HOXC6: variants seen among roughly 807,000 people sequenced by gnomAD.
The protein encoded by HOXC6 is homeobox protein Hox-C6.
In HOXC6, 10 loss-of-function variants were observed where a neutral mutation model predicts 24.0. That is an observed-to-expected ratio of 0.42 (90% CI 0.26 to 0.71). The LOEUF (loss-of-function observed/expected upper bound fraction) is 0.71, where lower values mean the gene tolerates loss of function less well. Ranked by LOEUF, HOXC6 falls within the 30% of genes least tolerant of loss-of-function variation. HOXC6 has a pLI of 0.28. For synonymous variants in HOXC6, 123 were observed against 128.1 expected, an observed-to-expected ratio of 0.96 and a Z score of 0.27; for missense variants, 258 against 303.4, an observed-to-expected ratio of 0.85 and a Z score of 1.11.
upstream of HOXC6, among the ~76,000 whole-genome samples, chr12:54,024,167 G>A (rs367718817): frequency 9.2e-5 from 14 of 152,296 alleles, no homozygotes; most frequent in East Asian, 9.7e-4. Flanking sequence ...AGGGATTTTA[G>A]CCCTCGCCCA....
upstream of HOXC6, among the ~76,000 whole-genome samples, chr12:54,025,533 G>A (rs1030364390): frequency 6.2e-5 from 3 of 48,424 alleles, no homozygotes; most frequent in South Asian, 5.4e-4. Flanking sequence ...TAATTGGGGG[G>A]GGGGGAGGTG....
In HOXC6 at chr12:54,029,763, G is replaced by A. The variant is rs775544979; in HGVS notation, c.509G>A (p.Arg170Gln). 1.9e-6 allele frequency: 3 copies of A among 1,614,174 alleles called. No homozygotes were observed. Among genetic ancestry groups the A allele is most frequent in the South Asian group, 2.2e-5 (2 of 91,086 alleles). The part of the protein sequence containing the change: ...FHFNRYLTRR[R>Q]RIEIANALCL... The stretch of plus-strand genomic sequence containing the variant: ...TTCAATCGCTACCTAACGCGGCGCC[G>A]GCGCATCGAGATCGCCAACGCGCTT... The change falls in exon 2 of 2, where the codon CGG becomes CAG. Residue 170 changes from arginine (R) to glutamine (Q), a missense_variant. Transcript: ENST00000243108.
rs1321885526 is a variant in HOXC6 at position 54,028,580 on chromosome 12, T to A, written c.59T>A (p.Val20Asp). The A allele has an allele frequency of 1.2e-6, 2 of 1,613,854 alleles. No homozygotes were observed. Among genetic ancestry groups the A allele is most frequent in the Non-Finnish European group, 1.7e-6 (2 of 1,179,990 alleles). Reference protein sequence around the residue: ...LSCHLAGGQDVLPNVALNSTA... With the variant: ...LSCHLAGGQDDLPNVALNSTA... ...TGCCACCTCGCCGGGGGCCAGGACG[T>A]CCTCCCCAACGTCGCCCTCAATTCC... is the stretch of plus-strand genomic sequence containing the variant. The change falls in exon 1 of 2, where the codon GTC (valine) becomes GAC (aspartate). Residue 20 changes from valine (V) to aspartate (D), a missense_variant. Physicochemically the swap from Val to Asp is radical, Grantham distance 152. Coordinates refer to ENST00000243108, the MANE Select transcript of HOXC6 (RefSeq NM_004503.4).
At chr12:54,016,961 T>A (rs1592216959) in exon 1 of HOXC6, 1 of 152,114 alleles carries the variant, frequency 6.6e-6, no homozygotes. Context: ...TCATTAGCAG[T>A]ATTTTTTTTA....
intron 1 of HOXC6, chr12:54,022,383 C>T (rs1413476704): frequency 1.3e-5 from 2 of 152,156 alleles, no homozygotes; most frequent in African/African-American, 4.8e-5. Flanking sequence ...TATATGTCTC[C>T]AATCCTGCCA....
intron 1 of HOXC6, among the ~76,000 whole-genome samples, chr12:54,022,906 G>A (rs1413929324): frequency 6.6e-6 from 1 of 152,194 alleles, no homozygotes; most frequent in African/African-American, 2.4e-5. Context: ...GGGATCCTTT[G>A]ACCCAGTGCA....
chr12:54,026,907 G>A (rs943184679), upstream of HOXC6, among the ~76,000 whole-genome samples: 1 of 151,222 alleles, frequency 6.6e-6, no homozygotes, highest in Non-Finnish European at 1.5e-5. Flanking sequence ...AAAATCCGGC[G>A]ACATCCGGGT....
chr12:54,029,755 G>A lies in HOXC6; in HGVS notation c.501G>A (p.Thr167=), dbSNP rs375750909. Residue 167 remains threonine (T), a synonymous_variant, in exon 2 of 2, where the codon ACG becomes ACA. Coordinates refer to ENST00000243108, the MANE Select transcript of HOXC6 (RefSeq NM_004503.4). ...EKEFHFNRYL[T]RRRRIEIANA... is the part of the protein sequence containing the mutation. ...AATTTCACTTCAATCGCTACCTAAC[G>A]CGGCGCCGGCGCATCGAGATCGCCA... 200 of 1,614,044 alleles carry A rather than the reference G, an allele frequency of 1.2e-4. No individual in the cohort carries two copies. Among genetic ancestry groups the A allele is most frequent in the Non-Finnish European group, 1.6e-4 (189 of 1,180,026 alleles).
chr12:54,026,969 G>C (rs965136271), upstream of HOXC6, among the ~76,000 whole-genome samples: 8 of 137,874 alleles, frequency 5.8e-5, no homozygotes, highest in Admixed American at 4.4e-4. Flanking sequence ...AATGGTGGGG[G>C]GGGGGGGATA....
At chr12:54,023,585 C>A (rs534653344), upstream of HOXC6, among the ~76,000 whole-genome samples, 1 of 152,314 alleles carries the variant, frequency 6.6e-6, no homozygotes, top group Non-Finnish European at 1.5e-5. Flanking sequence ...TTCTCAGCAG[C>A]TTAACATGCC....
In HOXC6 at chr12:54,028,621, G is replaced by A. The variant is rs765400909; in HGVS notation, c.100G>A (p.Val34Met). 1.9e-6 allele frequency: 3 copies of A among 1,614,126 alleles called. No homozygotes were observed. The highest frequency in any genetic ancestry group is 2.5e-6 in the Non-Finnish European group (3 of 1,180,028). The change falls in exon 1 of 2, where the codon GTG (valine) becomes ATG (methionine). Residue 34 changes from valine to methionine, a missense_variant. By Grantham distance (21) the Val-to-Met change is conservative (BLOSUM62 1). Coordinates refer to ENST00000243108, the MANE Select transcript of HOXC6 (RefSeq NM_004503.4). ...CCTCAATTCCACCGCCTATGATCCAGTGAGGCATTTCTCGACCTATGGAGC... is the reference window on the plus strand; with the variant it reads ...CCTCAATTCCACCGCCTATGATCCAATGAGGCATTTCTCGACCTATGGAGC... ...VALNSTAYDPVRHFSTYGAAV... is the reference protein window; with the variant it reads ...VALNSTAYDPMRHFSTYGAAV...
chr12:54,028,478 T>G lies in HOXC6; in HGVS notation c.-44T>G, dbSNP rs761024445. The G allele has an allele frequency of 2.5e-6, 4 of 1,578,772 alleles. No individual in the cohort carries two copies. The highest frequency in any genetic ancestry group is 3.4e-6 in the Non-Finnish European group (4 of 1,160,294). On this transcript the variant is annotated 5_prime_UTR_variant, in exon 1 of 2. Coordinates refer to ENST00000243108, the MANE Select transcript of HOXC6 (RefSeq NM_004503.4). ...TCCGAGTACAAACTGGAGACAGAAA[T>G]AAATATTAAAGAAATCATAGACCGA...
At chr12:54,026,321 C>T (rs1940695801), upstream of HOXC6, among the ~76,000 whole-genome samples, 1 of 152,180 alleles carries the variant, frequency 6.6e-6, no homozygotes, top group African/African-American at 2.4e-5. Context: ...GGGCCTGAAG[C>T]CTCAGCCAGC....
chr12:54,026,556 A>G (rs560272968), upstream of HOXC6, among the ~76,000 whole-genome samples: 11 of 152,258 alleles, frequency 7.2e-5, no homozygotes, highest in African/African-American at 2.6e-4. Context: ...AACCTTTATA[A>G]TTATAGGAGT....
At chr12:54,017,379 C>T in exon 1 of HOXC6, 1 of 152,136 alleles carries the variant, frequency 6.6e-6, no homozygotes, top group Non-Finnish European at 1.5e-5. Context: ...GAGAGAGAGG[C>T]AGAGAGGGAG....
chr12:54,028,594 G>A lies in HOXC6; in HGVS notation c.73G>A (p.Ala25Thr). 1.9e-6 allele frequency: 3 copies of A among 1,613,946 alleles called. No homozygotes were observed. Among genetic ancestry groups the A allele is most frequent in the Middle Eastern group, 1.6e-4 (1 of 6,062 alleles). ...GGGCCAGGACGTCCTCCCCAACGTC[G>A]CCCTCAATTCCACCGCCTATGATCC... ...AGGQDVLPNVALNSTAYDPVR... is the reference protein window; with the variant it reads ...AGGQDVLPNVTLNSTAYDPVR... Residue 25 changes from alanine to threonine, a missense_variant, in exon 1 of 2, where the codon GCC becomes ACC. Physicochemically the swap from Ala to Thr is moderately conservative, Grantham distance 58 (BLOSUM62 0). Transcript: ENST00000243108.
chr12:54,028,267 A>ATATT (rs3031476), upstream of HOXC6: 133 of 75,622 alleles, frequency 1.8e-3, no homozygotes, highest in East Asian at 3.1e-3. Context: ...ATATATATAT[A>ATATT]TTTTTTAAAA....
chr12:54,026,932 G>A (rs1248926132), upstream of HOXC6, among the ~76,000 whole-genome samples: 4 of 146,424 alleles, frequency 2.7e-5, no homozygotes, highest in African/African-American at 1.0e-4. Flanking sequence ...GTTATAGCCA[G>A]CTTTCCCCCC....
At chr12:54,028,353 C>A (rs113823335), upstream of HOXC6, 25 of 634,890 alleles carry the variant, frequency 3.9e-5, no homozygotes, top group African/African-American at 4.1e-4. Context: ...CGATTTTTTT[C>A]CCCCTTCCTG....
Sources: gnomAD v4.1 joint callset for allele counts (sites outside exome capture counted in the v4.1 genomes callset) on GRCh38, gnomAD v4.1.1 for gene constraint, MANE v1.5 for transcripts, NCBI Gene and HGNC (gene_info 2026-07-23, HGNC 2026-07-21) for gene names.